The following RAPGEF4 variants were observed in gnomAD, a reference collection of about 807,000 sequenced individuals.
RAPGEF4 encodes RAP guanine-nucleotide-exchange factor (GEF) 4.
Under a neutral mutation model 147.9 loss-of-function variants are expected in RAPGEF4, and 66 were observed. That is an observed-to-expected ratio of 0.45 (90% CI 0.37 to 0.55). RAPGEF4 has a LOEUF of 0.55. Ranked by LOEUF, RAPGEF4 falls within the 20% of genes least tolerant of loss-of-function variation. RAPGEF4 has a pLI of 0.00. For synonymous variants in RAPGEF4, 419 were observed against 442.7 expected, an observed-to-expected ratio of 0.95 and a Z score of 0.67; for missense variants, 1,071 against 1,257.3, an observed-to-expected ratio of 0.85 and a Z score of 2.24.
At position 172,925,587 on chromosome 2, in the gene RAPGEF4, T is replaced by TACACACACACACACAC. The variant is rs10534191; in HGVS notation, c.537+3302_537+3317dup. On this transcript the variant is annotated intron_variant, in intron 6 of 30. Transcript: ENST00000397081. ...AGGACACATAGTGAGACTCTGTCTG[T>TACACACACACACACAC]ACACACACACACACACACACACACA... Among the ~76,000 whole-genome samples, 56 of 147,098 alleles carry TACACACACACACACAC rather than the reference T, an allele frequency of 3.8e-4. No homozygotes were observed. The South Asian group carries it at 0.012, about 32-fold the overall frequency.
chr2:172,844,979 C>T (rs1480325552), intron 4 of RAPGEF4, among the ~76,000 whole-genome samples: 6 of 152,186 alleles, frequency 3.9e-5, no homozygotes, highest in African/African-American at 1.4e-4. Context: ...CCTTGGGCAA[C>T]TTACTATATA....
intron 1 of RAPGEF4, among the ~76,000 whole-genome samples, chr2:172,758,064 C>T (rs1028459510): frequency 2.6e-5 from 4 of 152,048 alleles, no homozygotes; most frequent in Non-Finnish European, 5.9e-5. Flanking sequence ...ATCAGGAGTG[C>T]CAGTGGGTGA....
intron 1 of RAPGEF4, among the ~76,000 whole-genome samples, chr2:172,746,476 A>G (rs1020386363): frequency 6.6e-6 from 1 of 152,220 alleles, no homozygotes; most frequent in Non-Finnish European, 1.5e-5. Flanking sequence ...CAAGGGACAT[A>G]TGTTAATTGC....
At position 172,796,483 on chromosome 2, in the gene RAPGEF4, G is replaced by A. The variant is rs140034459; in HGVS notation, c.209-1042G>A. Reference sequence around the variant, plus strand: ...ACCTATAGTCCCAGCTACTCAGGAGGCTGAGGCAGGAGAATTGCTTGAACC... The same window carrying A: ...ACCTATAGTCCCAGCTACTCAGGAGACTGAGGCAGGAGAATTGCTTGAACC... On this transcript the variant is annotated intron_variant, in intron 2 of 30. Coordinates refer to ENST00000397081, the MANE Select transcript of RAPGEF4 (RefSeq NM_007023.4). Among the ~76,000 whole-genome samples the A allele has an allele frequency of 3.8e-3, 579 of 152,164 alleles. 3 individuals carry two copies. Among genetic ancestry groups the A allele is most frequent in the African/African-American group, 0.014 (566 of 41,524 alleles).
chr2:173,043,436 G>A lies in RAPGEF4; in HGVS notation c.2854-5164G>A, dbSNP rs188075867. Among the ~76,000 whole-genome samples the A allele has an allele frequency of 4.5e-3, 690 of 152,314 alleles. 5 individuals are homozygous for A. Among genetic ancestry groups the A allele is most frequent in the Middle Eastern group, 6.8e-3 (2 of 294 alleles). ...AGGCAGAATAATAGGCTAAGAGGAA[G>A]GCTATTGTGGCCGCTGTCTGGGAGC... is the stretch of plus-strand genomic sequence containing the variant. On this transcript the variant is annotated intron_variant, in intron 29 of 30. Transcript: ENST00000397081.
chr2:172,915,523 G>A (rs994922374), intron 4 of RAPGEF4, among the ~76,000 whole-genome samples: 1 of 151,276 alleles, frequency 6.6e-6, no homozygotes, highest in South Asian at 2.1e-4. Flanking sequence ...ACAACATGAC[G>A]AAACTCTGTT....
At chr2:172,910,827 G>C (rs1700020058) in intron 4 of RAPGEF4, among the ~76,000 whole-genome samples, 1 of 152,196 alleles carries the variant, frequency 6.6e-6, no homozygotes, top group Non-Finnish European at 1.5e-5. Flanking sequence ...GGCTTCTTCT[G>C]ACCTAACCTG....
intron 4 of RAPGEF4, among the ~76,000 whole-genome samples, chr2:172,861,530 C>T (rs950493817): frequency 2.6e-4 from 40 of 152,116 alleles, no homozygotes; most frequent in African/African-American, 8.7e-4. Context: ...GTGTCCCTGG[C>T]GAGCCTAGGT....
intron 30 of RAPGEF4, among the ~76,000 whole-genome samples, chr2:173,050,757 C>CAAAAAA (rs34661805): frequency 2.5e-5 from 3 of 120,058 alleles, no homozygotes; most frequent in East Asian, 4.6e-4. Context: ...CATTTCTTAA[C>CAAAAAA]AAAAAAAAAA....
chr2:173,014,435 G>GCT, intron 17 of RAPGEF4, 29 bp from the exon 18 acceptor site: 1 of 1,612,684 alleles, frequency 6.2e-7, no homozygotes, highest in East Asian at 2.2e-5. Flanking sequence ...GTGTGAAATG[G>GCT]CTCAATTTCT....
chr2:172,760,353 C>G (rs1405946215), intron 1 of RAPGEF4, among the ~76,000 whole-genome samples: 1 of 152,108 alleles, frequency 6.6e-6, no homozygotes, highest in African/African-American at 2.4e-5. Flanking sequence ...AAAGCCTTAG[C>G]AAAGAAATAC....
In RAPGEF4 at chr2:172,880,476, T is replaced by C. The variant is rs151059203; in HGVS notation, c.445-37326T>C. Among the ~76,000 whole-genome samples, 685 of 152,334 alleles carry C rather than the reference T, an allele frequency of 4.5e-3. 5 individuals are homozygous for C. The highest frequency in any genetic ancestry group is 0.016 in the African/African-American group (665 of 41,570). ...AGAGCTCAATACAGTGCCTGGTATA[T>C]AGGAAATGCTCAAGAAATGACTAGA... On this transcript the variant is annotated intron_variant, in intron 4 of 30. Transcript: ENST00000397081.
intron 3 of RAPGEF4, among the ~76,000 whole-genome samples, chr2:172,803,429 T>G (rs558996616): frequency 2.1e-4 from 32 of 152,178 alleles, no homozygotes; most frequent in Non-Finnish European, 4.3e-4. Flanking sequence ...CATGGCCCCT[T>G]TTGGTCATGG....
intron 4 of RAPGEF4, among the ~76,000 whole-genome samples, chr2:172,879,997 C>CT (rs1406026098): frequency 3.3e-5 from 5 of 152,050 alleles, no homozygotes; most frequent in Admixed American, 2.6e-4. Context: ...GCATGACAGG[C>CT]TTTTTTCTGT....
chr2:172,841,293 C>T (rs1691561187), intron 4 of RAPGEF4, among the ~76,000 whole-genome samples: 1 of 152,168 alleles, frequency 6.6e-6, no homozygotes, highest in Non-Finnish European at 1.5e-5. Flanking sequence ...CCCCTTTCTT[C>T]CTTTCTTGCC....
chr2:172,985,023 A>AT (rs1692096605), intron 11 of RAPGEF4, among the ~76,000 whole-genome samples: 1 of 152,156 alleles, frequency 6.6e-6, no homozygotes, highest in Non-Finnish European at 1.5e-5. Flanking sequence ...AAGACATAGA[A>AT]TTTTCCAACA....
chr2:172,881,819 A>G (rs1257284871), intron 4 of RAPGEF4, among the ~76,000 whole-genome samples: 2 of 152,226 alleles, frequency 1.3e-5, no homozygotes, highest in Non-Finnish European at 2.9e-5. Context: ...ATGCCTTATC[A>G]GAGAATTCAT....
At chr2:172,764,624 C>T (rs759948863) in intron 1 of RAPGEF4, among the ~76,000 whole-genome samples, 1 of 152,074 alleles carries the variant, frequency 6.6e-6, no homozygotes, top group Non-Finnish European at 1.5e-5. Context: ...TTTGGATGCC[C>T]GTGGAGAGAA....
intron 6 of RAPGEF4, among the ~76,000 whole-genome samples, chr2:172,929,638 C>G (rs978740238): frequency 6.6e-6 from 1 of 152,112 alleles, no homozygotes; most frequent in Non-Finnish European, 1.5e-5. Context: ...CAGAAACACC[C>G]CTGGAATATA....
Sources: allele counts gnomAD v4.1 joint callset (sites outside exome capture counted in the v4.1 genomes callset), GRCh38; gene constraint gnomAD v4.1.1; transcripts MANE v1.5; gene names NCBI Gene and HGNC (gene_info 2026-07-23, HGNC 2026-07-21).